The following CPNE8 variants were observed in gnomAD, a reference collection of about 807,000 sequenced individuals.
CPNE8 encodes copine 8.
Under a neutral mutation model 81.5 loss-of-function variants are expected in CPNE8, and 45 were observed. That is an observed-to-expected ratio of 0.55 (90% confidence interval 0.44 to 0.71). The LOEUF is 0.71. CPNE8 is among the 30% of genes least tolerant of loss of function. The probability of loss-of-function intolerance (pLI) is 0.00; values close to 1 mark genes in which losing one functional copy is unlikely to be tolerated. For missense variants in CPNE8, 594 were observed against 672.1 expected, an observed-to-expected ratio of 0.88 and a Z score of 1.28; for synonymous variants, 252 against 226.3, an observed-to-expected ratio of 1.11 and a Z score of -1.02.
chr12:38,688,189 CT>C (rs542369704), intron 15 of CPNE8, among the ~76,000 whole-genome samples: 39 of 152,230 alleles, frequency 2.6e-4, no homozygotes, highest in Non-Finnish European at 3.1e-4. Flanking sequence ...TATGTTATCA[CT>C]ATTTCTCTGG....
At chr12:38,827,227 A>G (rs564695818) in intron 6 of CPNE8, among the ~76,000 whole-genome samples, 2 of 152,136 alleles carry the variant, frequency 1.3e-5, no homozygotes, top group African/African-American at 4.8e-5. Flanking sequence ...GAAATGCTCA[A>G]CATCACTAAT....
chr12:38,778,844 T>TATAG (rs1447306635), intron 6 of CPNE8, among the ~76,000 whole-genome samples: 1 of 152,200 alleles, frequency 6.6e-6, no homozygotes, highest in Non-Finnish European at 1.5e-5. Flanking sequence ...TAGGTAAGTA[T>TATAG]GTAATATACA....
intron 11 of CPNE8, among the ~76,000 whole-genome samples, chr12:38,729,252 G>T (rs1308454973): frequency 1.3e-5 from 2 of 152,070 alleles, no homozygotes; most frequent in East Asian, 1.9e-4. Flanking sequence ...TTCCTGTTTA[G>T]AACCTAAATA....
chr12:38,842,032 C>CAA (rs55757005), intron 4 of CPNE8, among the ~76,000 whole-genome samples: 12 of 131,626 alleles, frequency 9.1e-5, no homozygotes, highest in African/African-American at 2.6e-4. Flanking sequence ...TTTACAATAG[C>CAA]AAAAAAAAAA....
chr12:38,736,049 T>C (rs993427254), intron 10 of CPNE8, among the ~76,000 whole-genome samples: 3 of 151,904 alleles, frequency 2.0e-5, no homozygotes, highest in Non-Finnish European at 1.5e-5. Context: ...AATACATAGA[T>C]AAAACCACTC....
chr12:38,744,133 G>A (rs759668161), intron 10 of CPNE8, among the ~76,000 whole-genome samples: 8 of 152,212 alleles, frequency 5.3e-5, no homozygotes, highest in South Asian at 2.1e-4. Flanking sequence ...AGAAATAGCC[G>A]GTTTTCACAT....
chr12:38,798,836 A>G (rs1181145225), intron 6 of CPNE8, among the ~76,000 whole-genome samples: 3 of 152,198 alleles, frequency 2.0e-5, no homozygotes, highest in Non-Finnish European at 4.4e-5. Context: ...TAGGCTCAAA[A>G]TAAAAGGATG....
chr12:38,835,789 G>A lies in CPNE8; in HGVS notation c.330+4127C>T, dbSNP rs1267554658. On this transcript the variant is annotated intron_variant, in intron 5 of 19. Transcript: ENST00000331366. ...TGAAAGCTTATATTTATAATATTTA[G>A]AAAGTGTATTAAAAAATATACACCT... Among the ~76,000 whole-genome samples the A allele has an allele frequency of 2.0e-5, 3 of 151,926 alleles. No individual in the cohort carries two copies. The East Asian group carries it at 5.8e-4, about 29-fold the overall frequency.
intron 4 of CPNE8, among the ~76,000 whole-genome samples, chr12:38,845,943 G>C (rs1031738490): frequency 1.3e-5 from 2 of 152,002 alleles, no homozygotes; most frequent in African/African-American, 4.8e-5. Flanking sequence ...ACATGCAAAA[G>C]GTAAAACAAT....
At chr12:38,822,888 G>A (rs1342552337) in intron 6 of CPNE8, among the ~76,000 whole-genome samples, 1 of 152,122 alleles carries the variant, frequency 6.6e-6, no homozygotes, top group Non-Finnish European at 1.5e-5. Flanking sequence ...GTAAATTAGA[G>A]AGCATAACAA....
At chr12:38,665,551 C>A (rs1478778045) in intron 19 of CPNE8, among the ~76,000 whole-genome samples, 3 of 152,098 alleles carry the variant, frequency 2.0e-5, no homozygotes. Flanking sequence ...TGCTGCTCTG[C>A]TCAGTTTTGC....
chr12:38,760,799 T>G (rs1247054231), intron 10 of CPNE8, 48 bp downstream of exon 10: 1 of 1,451,270 alleles, frequency 6.9e-7, no homozygotes, highest in Non-Finnish European at 9.6e-7. Flanking sequence ...TGTATGTGCC[T>G]CTTAAAGTAC....
chr12:38,783,642 TC>T (rs1413115710), intron 6 of CPNE8, among the ~76,000 whole-genome samples: 2 of 152,134 alleles, frequency 1.3e-5, no homozygotes, highest in Non-Finnish European at 2.9e-5. Context: ...TGTCACCGCA[TC>T]CCAAGCTTCA....
chr12:38,834,217 ACT>A (rs1485084415), intron 5 of CPNE8, among the ~76,000 whole-genome samples: 1 of 152,088 alleles, frequency 6.6e-6, no homozygotes, highest in African/African-American at 2.4e-5. Flanking sequence ...TTCTTAGATA[ACT>A]CTGAGTTCCA....
At chr12:38,811,215 A>G (rs1942928177) in intron 6 of CPNE8, among the ~76,000 whole-genome samples, 1 of 134,808 alleles carries the variant, frequency 7.4e-6, no homozygotes, top group Admixed American at 7.2e-5. Flanking sequence ...AGTATTGCGT[A>G]TATAAAAAAA....
chr12:38,792,099 A>C (rs1253702111), intron 6 of CPNE8, among the ~76,000 whole-genome samples: 2 of 151,320 alleles, frequency 1.3e-5, no homozygotes, highest in Non-Finnish European at 3.0e-5. Context: ...CTAACAAGGA[A>C]GTTTATAGCT....
intron 1 of CPNE8, among the ~76,000 whole-genome samples, chr12:38,885,315 AAAG>A (rs1341068015): frequency 2.0e-5 from 3 of 152,188 alleles, no homozygotes; most frequent in Non-Finnish European, 4.4e-5. Context: ...AAAATGACTT[AAAG>A]AAGTGAATTG....
At chr12:38,830,944 CA>C (rs1242923035) in intron 5 of CPNE8, among the ~76,000 whole-genome samples, 1 of 150,434 alleles carries the variant, frequency 6.6e-6, no homozygotes, top group Non-Finnish European at 1.5e-5. Context: ...GACCCAGTCA[CA>C]AAAAAGCTTA....
At chr12:38,772,584 T>C (rs1422062504) in intron 7 of CPNE8, among the ~76,000 whole-genome samples, 1 of 152,134 alleles carries the variant, frequency 6.6e-6, no homozygotes, top group Non-Finnish European at 1.5e-5. Context: ...CCTGTTAGAA[T>C]GCCTACTATC....
Sources: allele counts gnomAD v4.1 joint callset (sites outside exome capture counted in the v4.1 genomes callset), GRCh38; gene constraint gnomAD v4.1.1; transcripts MANE v1.5; gene names NCBI Gene and HGNC (gene_info 2026-07-23, HGNC 2026-07-21).